Variants in MICU1 observed in about 807,000 individuals in gnomAD.
MICU1 encodes the protein mitochondrial calcium uptake 1, also known as calcium uptake protein 1, mitochondrial.
Under a neutral mutation model 56.8 loss-of-function variants are expected in MICU1, and 45 were observed. The observed-to-expected ratio is 0.79, with a 90% CI of 0.62 to 1.02. MICU1 has a LOEUF of 1.02. Ranked by LOEUF, MICU1 falls within the 50% of genes least tolerant of loss-of-function variation. MICU1 has a pLI of 0.00. For missense variants in MICU1, 504 were observed against 587.1 expected (o/e 0.86, Z 1.46); for synonymous variants, 186 against 195.1 (o/e 0.95, Z 0.39).
intron 1 of MICU1, among the ~76,000 whole-genome samples, chr10:72,618,780 G>A (rs1243274406): frequency 5.3e-5 from 8 of 152,122 alleles, no homozygotes; most frequent in Non-Finnish European, 7.4e-5. Flanking sequence ...TATCTGTGCT[G>A]TTCAATACAA....
chr10:72,512,322 T>A (rs897309279), intron 5 of MICU1, among the ~76,000 whole-genome samples: 1 of 151,930 alleles, frequency 6.6e-6, no homozygotes, highest in Non-Finnish European at 1.5e-5. Context: ...ATTGGCCAGA[T>A]GGTCTCGATC....
chr10:72,541,087 A>G (rs1436635806), intron 4 of MICU1, among the ~76,000 whole-genome samples: 3 of 152,222 alleles, frequency 2.0e-5, no homozygotes, highest in Admixed American at 6.5e-5. Flanking sequence ...ACAGAAAGAG[A>G]AGTCTAGCAT....
intron 8 of MICU1, among the ~76,000 whole-genome samples, chr10:72,474,140 C>T (rs1030678851): frequency 6.6e-6 from 1 of 151,066 alleles, no homozygotes; most frequent in African/African-American, 2.4e-5. Flanking sequence ...CCTGTAATTC[C>T]AGCTACTCGA....
chr10:72,528,295 A>G (rs1868022122), intron 5 of MICU1, among the ~76,000 whole-genome samples: 1 of 152,238 alleles, frequency 6.6e-6, no homozygotes, highest in African/African-American at 2.4e-5. Context: ...CATCTGTTAC[A>G]GTGTTTTTAA....
chr10:72,592,004 T>C (rs1334817095), intron 1 of MICU1, among the ~76,000 whole-genome samples: 2 of 149,354 alleles, frequency 1.3e-5, no homozygotes, highest in East Asian at 4.0e-4. Context: ...AGTGAGGCCC[T>C]GGTTTTTTTG....
At chr10:72,522,513 A>G (rs1251853434) in intron 5 of MICU1, among the ~76,000 whole-genome samples, 1 of 152,154 alleles carries the variant, frequency 6.6e-6, no homozygotes, top group Non-Finnish European at 1.5e-5. Flanking sequence ...TAATGATTAC[A>G]TTATTATTTA....
intron 9 of MICU1, among the ~76,000 whole-genome samples, chr10:72,415,386 C>A (rs1057115867): frequency 6.6e-6 from 1 of 151,996 alleles, no homozygotes; most frequent in Admixed American, 6.6e-5. Flanking sequence ...CTTTCTGAAC[C>A]CTGTGCTACA....
Position 72,438,105 on chromosome 10 carries a change from G to T in MICU1, c.934-14734C>A, listed in dbSNP as rs184963882. ...ATCAACAGAATATACATTCTTCTCAGCACCACATCACACTTATTCTAAAAC... is the reference window on the plus strand; with the variant it reads ...ATCAACAGAATATACATTCTTCTCATCACCACATCACACTTATTCTAAAAC... On this transcript the variant is annotated intron_variant, in intron 8 of 11. Coordinates refer to ENST00000361114, the MANE Select transcript of MICU1 (RefSeq NM_001195518.2). Among the ~76,000 whole-genome samples the T allele has an allele frequency of 2.1e-3, 320 of 152,228 alleles. 1 individual carries two copies. Among genetic ancestry groups the T allele is most frequent in the African/African-American group, 6.9e-3 (286 of 41,534 alleles).
intron 8 of MICU1, among the ~76,000 whole-genome samples, chr10:72,459,875 T>C (rs1865592558): frequency 6.6e-6 from 1 of 152,156 alleles, no homozygotes; most frequent in South Asian, 2.1e-4. Context: ...CCTCCTGTGT[T>C]CTCTATCTCA....
chr10:72,399,733 C>G (rs758648155), intron 10 of MICU1, among the ~76,000 whole-genome samples: 2 of 152,104 alleles, frequency 1.3e-5, no homozygotes, highest in Non-Finnish European at 2.9e-5. Context: ...GAGACCAAGG[C>G]GGACAGATCA....
At chr10:72,453,271 G>A (rs561983966) in intron 8 of MICU1, among the ~76,000 whole-genome samples, 46 of 152,200 alleles carry the variant, frequency 3.0e-4, no homozygotes, top group African/African-American at 9.2e-4. Context: ...TAACCCTGTC[G>A]GATGATAGAT....
intron 6 of MICU1, among the ~76,000 whole-genome samples, chr10:72,481,807 C>A (rs1345316535): frequency 6.6e-6 from 1 of 152,154 alleles, no homozygotes; most frequent in Non-Finnish European, 1.5e-5. Context: ...TACACGATTT[C>A]CAAAATGGTC....
At position 72,437,602 on chromosome 10, in the gene MICU1, C is replaced by T. The variant is rs1447954030; in HGVS notation, c.934-14231G>A. Among the ~76,000 whole-genome samples, 6 of 152,182 alleles carry T rather than the reference C, an allele frequency of 3.9e-5. No homozygotes were observed. In the South Asian group the frequency reaches 1.2e-3, roughly 32 times the overall value. ...ATGTCCCAATTAAAAGACAGACTGG[C>T]AAATTGGATAAAGAGTCAAGACGCA... On this transcript the variant is annotated intron_variant, in intron 8 of 11. Transcript: ENST00000361114.
chr10:72,416,528 T>C (rs1863988932), intron 9 of MICU1, among the ~76,000 whole-genome samples: 1 of 152,198 alleles, frequency 6.6e-6, no homozygotes, highest in East Asian at 1.9e-4. Flanking sequence ...TATCCACAGA[T>C]GATATGAAAA....
intron 6 of MICU1, among the ~76,000 whole-genome samples, chr10:72,496,807 A>G (rs1025861896): frequency 2.0e-5 from 3 of 152,054 alleles, no homozygotes; most frequent in Non-Finnish European, 4.4e-5. Flanking sequence ...CTTGGGTTCA[A>G]GTGATCCACC....
intron 4 of MICU1, among the ~76,000 whole-genome samples, chr10:72,546,292 T>C (rs1383066551): frequency 1.3e-5 from 2 of 152,220 alleles, no homozygotes; most frequent in Non-Finnish European, 2.9e-5. Context: ...AGCTGCCTCC[T>C]TATATATTTT....
intron 8 of MICU1, among the ~76,000 whole-genome samples, chr10:72,469,997 A>G (rs1278817223): frequency 6.6e-6 from 1 of 152,150 alleles, no homozygotes; most frequent in Non-Finnish European, 1.5e-5. Context: ...TAAAGACCTT[A>G]TCTCCAAGTA....
Position 72,427,737 on chromosome 10 carries a change from T to TAA in MICU1, c.934-4367_934-4366insTT, listed in dbSNP as rs1564861508. ...CATCATAGACCCCATCTCTAAAATA[T>TAA]ATATATATATATATATATATATATA... On this transcript the variant is annotated intron_variant, in intron 8 of 11. Coordinates refer to ENST00000361114, the MANE Select transcript of MICU1 (RefSeq NM_001195518.2). Among the ~76,000 whole-genome samples, 35 of 15,750 alleles carry TAA rather than the reference T, an allele frequency of 2.2e-3. 1 individual carries two copies. The highest frequency in any genetic ancestry group is 0.016 in the African/African-American group (34 of 2,182). 10.3% of individuals were successfully genotyped at this position (15,750 alleles called of 152,430 possible).
At chr10:72,389,950 C>A (rs927316208) in intron 10 of MICU1, among the ~76,000 whole-genome samples, 58 of 152,168 alleles carry the variant, frequency 3.8e-4, no homozygotes, top group Non-Finnish European at 6.6e-4. Context: ...GCCCAGTGTG[C>A]GTACGAATGA....
Sources: gnomAD v4.1 joint callset for allele counts (sites outside exome capture counted in the v4.1 genomes callset) on GRCh38, gnomAD v4.1.1 for gene constraint, MANE v1.5 for transcripts, NCBI Gene and HGNC (gene_info 2026-07-23, HGNC 2026-07-21) for gene names.